INPP5A: variants seen among roughly 807,000 people sequenced by gnomAD.
The protein encoded by INPP5A is inositol polyphosphate-5-phosphatase A, also known as 43 kDa inositol polyphosphate 5-phophatase.
In INPP5A, 14 loss-of-function variants were observed where a neutral mutation model predicts 65.2. The ratio of observed to expected loss-of-function variants is 0.21; its 90% confidence interval spans 0.14 to 0.34. The LOEUF (loss-of-function observed/expected upper bound fraction) is 0.34, where lower values mean the gene tolerates loss of function less well. Ranked by LOEUF, INPP5A falls within the 10% of genes least tolerant of loss-of-function variation. INPP5A has a pLI of 1.00. For missense variants in INPP5A, 431 were observed against 545.6 expected (o/e 0.79, Z 2.09); for synonymous variants, 207 against 208.3 (o/e 0.99, Z 0.05).
chr10:132,776,363 C>T (rs1031139786), intron 12 of INPP5A, among the ~76,000 whole-genome samples: 26 of 151,640 alleles, frequency 1.7e-4, no homozygotes, highest in African/African-American at 4.4e-4. Context: ...TCCCAGTCCC[C>T]GGCTGTTTCC....
At chr10:132,570,407 T>C (rs1332558258) in intron 1 of INPP5A, among the ~76,000 whole-genome samples, 1 of 152,112 alleles carries the variant, frequency 6.6e-6, no homozygotes, top group East Asian at 1.9e-4. Flanking sequence ...CGGGAGGAGT[T>C]CGGGTGGAGC....
At chr10:132,756,971 A>G (rs1846633189) in intron 11 of INPP5A, among the ~76,000 whole-genome samples, 1 of 152,276 alleles carries the variant, frequency 6.6e-6, no homozygotes, top group African/African-American at 2.4e-5. Context: ...AATATTAAAT[A>G]TAAAGAATAG....
At chr10:132,598,012 G>C (rs780285171) in intron 1 of INPP5A, among the ~76,000 whole-genome samples, 2 of 152,230 alleles carry the variant, frequency 1.3e-5, no homozygotes, top group Non-Finnish European at 2.9e-5. Context: ...GGGCCTTTTG[G>C]GCAGGTCTCA....
In INPP5A at chr10:132,588,012, CAAAAA is replaced by C. The variant is rs796469034; in HGVS notation, c.76-19886_76-19882del. 2.3e-4 allele frequency among the ~76,000 whole-genome samples: 13 copies of C among 55,912 alleles called. 1 individual carries two copies. The highest frequency in any genetic ancestry group is 8.3e-4 in the African/African-American group (10 of 12,106). The allele number at this position is 55,912 out of a possible 152,430, so 36.7% of individuals were successfully genotyped here. A position where few individuals can be genotyped will look rare whatever the true frequency, so the allele number is the denominator to read the frequency against. On this transcript the variant is annotated intron_variant, in intron 1 of 15. Transcript: ENST00000368594. ...GGGCAACAAGAGTAAAACTCCATCT[CAAAAA>C]AAAAAAAAAAAAAAAAGGATTTGAT...
chr10:132,638,348 C>T (rs1478676178), intron 2 of INPP5A, among the ~76,000 whole-genome samples: 2 of 152,162 alleles, frequency 1.3e-5, no homozygotes, highest in Non-Finnish European at 2.9e-5. Flanking sequence ...CCAGAATCTT[C>T]AGCCTCCGGA....
chr10:132,607,783 TC>T, intron 1 of INPP5A, 131 bp from the exon 2 acceptor site: 1 of 854,636 alleles, frequency 1.2e-6, no homozygotes, highest in Non-Finnish European at 1.9e-6. Context: ...CGGGTGGAGC[TC>T]CTCCATGCGG....
intron 4 of INPP5A, among the ~76,000 whole-genome samples, chr10:132,662,853 C>T (rs1313444453): frequency 6.6e-6 from 1 of 152,238 alleles, no homozygotes. Context: ...AGGGAACCTT[C>T]TGGAGCGACG....
rs1846529163 is a variant in INPP5A, at chr10:132,753,226, C to G, written c.903+3381C>G. On this transcript the variant is annotated intron_variant, in intron 11 of 15. Transcript: ENST00000368594. This position sits in a 1 kb window ranked among gnomAD's most constrained non-coding sequence, Gnocchi z 5.3. ...TTGTGCCCAGAAATTGGCAGTTGTC[C>G]CCATCGACGGAGGGTCAAGGTGGTC... 6.6e-6 allele frequency among the ~76,000 whole-genome samples: 1 copy of G among 152,114 alleles called. No individual in the cohort carries two copies. The highest frequency in any genetic ancestry group is 1.5e-5 in the Non-Finnish European group (1 of 68,014).
At chr10:132,756,930 A>G (rs1429068661) in intron 11 of INPP5A, among the ~76,000 whole-genome samples, 1 of 152,220 alleles carries the variant, frequency 6.6e-6, no homozygotes, top group South Asian at 2.1e-4. Flanking sequence ...CGTTGTCTTC[A>G]TTGTTATCAA....
chr10:132,618,247 A>G (rs981764186), intron 2 of INPP5A, among the ~76,000 whole-genome samples: 3 of 152,252 alleles, frequency 2.0e-5, no homozygotes, highest in Non-Finnish European at 4.4e-5. Context: ...AAGAATCCAG[A>G]ATGTAGGCAA....
chr10:132,554,187 A>G (rs746157518), intron 1 of INPP5A, among the ~76,000 whole-genome samples: 1 of 152,186 alleles, frequency 6.6e-6, no homozygotes, highest in Non-Finnish European at 1.5e-5. Flanking sequence ...TATTTGGAAT[A>G]TCTGTTGTCA....
intron 2 of INPP5A, among the ~76,000 whole-genome samples, chr10:132,640,775 C>T (rs562435148): frequency 5.3e-5 from 8 of 152,212 alleles, no homozygotes; most frequent in South Asian, 2.1e-4. Context: ...TCTTTTCTCT[C>T]GGCCGTTTCC....
At chr10:132,760,882 G>C (rs909693951) in intron 11 of INPP5A, among the ~76,000 whole-genome samples, 30 of 152,208 alleles carry the variant, frequency 2.0e-4, no homozygotes, top group African/African-American at 6.3e-4. Context: ...CCTGCATCTC[G>C]GGACACAGCA....
rs189810992 is a variant in INPP5A, at chr10:132,735,483, C to T, written c.732+8578C>T. On this transcript the variant is annotated intron_variant, in intron 9 of 15. Coordinates refer to ENST00000368594, the MANE Select transcript of INPP5A (RefSeq NM_005539.5). ...GCCCGGTGGCACGGGCGCCCTGGGG[C>T]GGTGTTGGTACGAAGGGACACGTGA... Among the ~76,000 whole-genome samples, 1,090 of 152,286 alleles carry T rather than the reference C, an allele frequency of 7.2e-3. 11 individuals carry two copies. Among genetic ancestry groups the T allele is most frequent in the African/African-American group, 0.025 (1,044 of 41,562 alleles).
In INPP5A at chr10:132,782,022, C is replaced by G. The variant is rs774118026; in HGVS notation, c.*8-15C>G. ...GTGCGTTTGTTCCTTTAACAAATTACGAATTCCGTGACAGGGAAGAGATGC... is the reference window on the plus strand; with the variant it reads ...GTGCGTTTGTTCCTTTAACAAATTAGGAATTCCGTGACAGGGAAGAGATGC... On this transcript the variant is annotated splice_polypyrimidine_tract_variant and intron_variant, in intron 15 of 15. Transcript: ENST00000368594. This position sits in a 1 kb window ranked among gnomAD's most constrained non-coding sequence, Gnocchi z 4.4. 2 of 1,606,464 alleles carry G rather than the reference C, an allele frequency of 1.2e-6. No homozygotes were observed. The highest frequency in any genetic ancestry group is 1.1e-5 in the South Asian group (1 of 90,400).
chr10:132,772,330 GAC>G (rs1463489832), intron 12 of INPP5A, among the ~76,000 whole-genome samples: 4 of 63,526 alleles, frequency 6.3e-5, no homozygotes, highest in Non-Finnish European at 1.3e-4. Flanking sequence ...ACTCAGCACT[GAC>G]ACAGAGGCCA....
At position 132,627,539 on chromosome 10, in the gene INPP5A, G is replaced by C. The variant is rs1177328693; in HGVS notation, c.118-18329G>C. On this transcript the variant is annotated intron_variant, in intron 2 of 15. Coordinates refer to ENST00000368594, the MANE Select transcript of INPP5A (RefSeq NM_005539.5). The surrounding 1 kb of genome is among the most constrained non-coding windows in gnomAD (Gnocchi z 6.6). ...TGCTTTGAGGGCCAGTGCCTGGTCT[G>C]TCCCGACTCCCTCTGTGTCCCCAGC... Among the ~76,000 whole-genome samples, 1 of 152,212 alleles carries C rather than the reference G, an allele frequency of 6.6e-6. No homozygotes were observed. The highest frequency in any genetic ancestry group is 1.5e-5 in the Non-Finnish European group (1 of 68,040).
intron 2 of INPP5A, among the ~76,000 whole-genome samples, chr10:132,610,410 G>T (rs2071928513): frequency 6.6e-6 from 1 of 152,240 alleles, no homozygotes; most frequent in South Asian, 2.1e-4. Flanking sequence ...GTTGCCCCGG[G>T]CCTAGCTCCG....
At position 132,555,359 on chromosome 10, in the gene INPP5A, G is replaced by T. The variant is rs769342804; in HGVS notation, c.75+17188G>T. Among the ~76,000 whole-genome samples the T allele has an allele frequency of 1.4e-4, 21 of 152,214 alleles. No homozygotes were observed. Among genetic ancestry groups the T allele is most frequent in the Non-Finnish European group, 2.8e-4 (19 of 68,004 alleles). ...AGTACGTTCACCCCATTTTACAGGC[G>T]CTGGCCCAGTGGAGCTGCTGGGGCC... On this transcript the variant is annotated intron_variant, in intron 1 of 15. Transcript: ENST00000368594. The surrounding 1 kb of genome is among the most constrained non-coding windows in gnomAD (Gnocchi z 4.4).
Sources: gnomAD v4.1 joint callset for allele counts (sites outside exome capture counted in the v4.1 genomes callset) on GRCh38, gnomAD v4.1.1 for gene constraint, Gnocchi (gnomAD v3.1) non-coding constraint, MANE v1.5 for transcripts, NCBI Gene and HGNC (gene_info 2026-07-23, HGNC 2026-07-21) for gene names.